Variants in DLG2 observed in about 807,000 individuals in gnomAD.
DLG2 encodes discs large MAGUK scaffold protein 2, also known as disks large homolog 2.
A neutral mutation model predicts 132.5 loss-of-function variants in DLG2; 45 were observed. The observed-to-expected ratio is 0.34, with a 90% CI of 0.27 to 0.44. DLG2 has a LOEUF of 0.44. Ranked by LOEUF, DLG2 falls within the 20% of genes least tolerant of loss-of-function variation. The pLI is 1.00. For missense variants in DLG2, 1,045 were observed against 1,196.9 expected, an observed-to-expected ratio of 0.87 and a Z score of 1.87; for synonymous variants, 424 against 419.6, an observed-to-expected ratio of 1.01 and a Z score of -0.13.
At position 83,857,603 on chromosome 11, in the gene DLG2, G is replaced by A. The variant is rs191349951; in HGVS notation, c.1565+16817C>T. Among the ~76,000 whole-genome samples the A allele has an allele frequency of 3.9e-5, 6 of 152,266 alleles. No individual in the cohort carries two copies. In the East Asian group the frequency reaches 1.2e-3, roughly 29 times the overall value. On this transcript the variant is annotated intron_variant, in intron 16 of 27. Transcript: ENST00000376104. ...TATTTTGTATGACACCATAATTCCA[G>A]ATACATGTCATTATACGATTGTCCA...
intron 18 of DLG2, among the ~76,000 whole-genome samples, chr11:83,742,172 T>A (rs756124784): frequency 6.6e-6 from 1 of 151,268 alleles, no homozygotes; most frequent in African/African-American, 2.4e-5. Flanking sequence ...TATTGTATAA[T>A]GGAAATTTGC....
rs571011528 is a variant in DLG2, at chr11:83,953,503, C to T, written c.1340+9382G>A. Among the ~76,000 whole-genome samples the T allele has an allele frequency of 2.6e-5, 4 of 152,306 alleles. No homozygotes were observed. The East Asian group carries it at 7.7e-4, about 29-fold the overall frequency. On this transcript the variant is annotated intron_variant, in intron 14 of 27. Coordinates refer to ENST00000376104, the MANE Select transcript of DLG2 (RefSeq NM_001142699.3). ...CAGTTTCGTCTGGAAACCCATCCTG[C>T]CCCTGCCACCTGTCCATGGAAAAAT...
chr11:85,535,385 A>T (rs1336260040), intron 3 of DLG2, among the ~76,000 whole-genome samples: 6 of 151,984 alleles, frequency 3.9e-5, no homozygotes, highest in East Asian at 1.9e-4. Context: ...TAAATAAATA[A>T]ATATATATAT....
intron 17 of DLG2, among the ~76,000 whole-genome samples, chr11:83,803,808 A>G (rs947141690): frequency 3.9e-5 from 6 of 152,154 alleles, no homozygotes; most frequent in Non-Finnish European, 7.4e-5. Flanking sequence ...CATATCTGTC[A>G]AACAGTCCAC....
intron 7 of DLG2, among the ~76,000 whole-genome samples, chr11:84,314,135 C>T (rs571872753): frequency 1.5e-4 from 23 of 152,262 alleles, no homozygotes; most frequent in African/African-American, 5.3e-4. Context: ...CTGAGTTCCA[C>T]GTAATACTGC....
intron 21 of DLG2, among the ~76,000 whole-genome samples, chr11:83,517,063 G>A (rs189424854): frequency 0.012 from 1,809 of 152,226 alleles, 28 homozygotes; most frequent in African/African-American, 0.04. Context: ...GAATCTGAAT[G>A]TTGGCCTGCC....
chr11:83,708,766 T>TA (rs2084659269), intron 18 of DLG2, among the ~76,000 whole-genome samples: 1 of 152,136 alleles, frequency 6.6e-6, no homozygotes, highest in Non-Finnish European at 1.5e-5. Context: ...TCCTTTTTTT[T>TA]AATGGGATAT....
intron 6 of DLG2, among the ~76,000 whole-genome samples, chr11:84,808,392 A>G (rs2076225672): frequency 6.6e-6 from 1 of 152,044 alleles, no homozygotes; most frequent in Non-Finnish European, 1.5e-5. Flanking sequence ...AAAAGTCTCA[A>G]ATAATTAGTC....
intron 22 of DLG2, among the ~76,000 whole-genome samples, chr11:83,479,308 T>C (rs2092899065): frequency 6.6e-6 from 1 of 151,070 alleles, no homozygotes; most frequent in South Asian, 2.1e-4. Flanking sequence ...ATCCAAATTA[T>C]GTGTTGTACC....
At chr11:84,379,581 C>CA (rs1438897020) in intron 7 of DLG2, among the ~76,000 whole-genome samples, 2 of 151,588 alleles carry the variant, frequency 1.3e-5, no homozygotes, top group African/African-American at 4.9e-5. Flanking sequence ...ATAGGTAGCT[C>CA]AAAAAAATAC....
At chr11:83,474,801 A>G (rs949051970) in intron 22 of DLG2, among the ~76,000 whole-genome samples, 1 of 142,274 alleles carries the variant, frequency 7.0e-6, no homozygotes, top group Non-Finnish European at 1.5e-5. Context: ...TTTTCTCTAA[A>G]TAAATAGAGC....
intron 6 of DLG2, among the ~76,000 whole-genome samples, chr11:84,992,996 C>T (rs552155949): frequency 1.2e-3 from 176 of 152,264 alleles, no homozygotes; most frequent in Middle Eastern, 6.8e-3. Context: ...TGCAGCACTA[C>T]ATACAATAGC....
At chr11:85,605,489 T>C (rs887087534) in intron 2 of DLG2, among the ~76,000 whole-genome samples, 1 of 152,246 alleles carries the variant, frequency 6.6e-6, no homozygotes, top group Non-Finnish European at 1.5e-5. Flanking sequence ...CCTACCTTTA[T>C]AAGTCTGGTA....
At chr11:83,537,781 T>G (rs1226688530) in intron 20 of DLG2, among the ~76,000 whole-genome samples, 2 of 112,514 alleles carry the variant, frequency 1.8e-5, no homozygotes, top group Non-Finnish European at 3.3e-5. Flanking sequence ...TACTCCGGCC[T>G]AGGCAACGAA....
chr11:84,532,439 G>A (rs2099345087), intron 7 of DLG2, among the ~76,000 whole-genome samples: 1 of 152,092 alleles, frequency 6.6e-6, no homozygotes, highest in South Asian at 2.1e-4. Context: ...ATGCTCTAGA[G>A]GTGATTAAGG....
intron 14 of DLG2, 93 bp downstream of exon 14, chr11:83,962,792 G>A (rs2089183840): frequency 1.3e-5 from 19 of 1,485,562 alleles, no homozygotes; most frequent in Non-Finnish European, 1.7e-5. Context: ...AGAAGCTTTA[G>A]TTAGCATCCA....
chr11:84,748,918 G>A (rs1014009725), intron 6 of DLG2, among the ~76,000 whole-genome samples: 18 of 152,160 alleles, frequency 1.2e-4, no homozygotes, highest in Admixed American at 3.9e-4. Flanking sequence ...GCCTATAATC[G>A]CAGCACTTTG....
intron 14 of DLG2, among the ~76,000 whole-genome samples, chr11:83,951,067 G>A (rs1018779962): frequency 6.6e-6 from 1 of 152,012 alleles, no homozygotes; most frequent in African/African-American, 2.4e-5. Context: ...TAGAGGAAAA[G>A]GAGAAAGAGA....
chr11:83,472,428 C>G (rs1453628901), intron 23 of DLG2, among the ~76,000 whole-genome samples: 1 of 152,154 alleles, frequency 6.6e-6, no homozygotes, highest in Non-Finnish European at 1.5e-5. Context: ...TCACCAGTCT[C>G]GTAGCTAGTG....
Sources: gnomAD v4.1 joint callset for allele counts (sites outside exome capture counted in the v4.1 genomes callset) on GRCh38, gnomAD v4.1.1 for gene constraint, MANE v1.5 for transcripts, NCBI Gene and HGNC (gene_info 2026-07-23, HGNC 2026-07-21) for gene names.